The following SOAT1 variants were observed in gnomAD, a reference collection of about 807,000 sequenced individuals.
SOAT1 encodes sterol O-acyltransferase 1, also known as acyl-coenzyme A:cholesterol acyltransferase 1.
In SOAT1, 55 loss-of-function variants were observed where a neutral mutation model predicts 69.5. That is an observed-to-expected ratio of 0.79 (90% CI 0.64 to 0.99). SOAT1 has a LOEUF of 0.99. SOAT1 is among the 50% of genes least tolerant of loss of function. The pLI is 0.00. For missense variants in SOAT1, 580 were observed against 669.3 expected, an observed-to-expected ratio of 0.87 and a Z score of 1.47; for synonymous variants, 231 against 224.7, an observed-to-expected ratio of 1.03 and a Z score of -0.25.
intron 2 of SOAT1, among the ~76,000 whole-genome samples, chr1:179,318,892 A>G (rs1665490957): frequency 6.6e-6 from 1 of 152,052 alleles, no homozygotes; most frequent in Non-Finnish European, 1.5e-5. Context: ...TATTATTATG[A>G]CTAATGCTGC....
At chr1:179,342,075 T>A in intron 7 of SOAT1, 39 bp from the exon 8 acceptor site, 1 of 1,612,406 alleles carries the variant, frequency 6.2e-7, no homozygotes, top group South Asian at 1.1e-5. Flanking sequence ...TGCAGGAGAC[T>A]TTCTTTGAAG....
At chr1:179,317,285 G>A (rs1295946807) in intron 2 of SOAT1, among the ~76,000 whole-genome samples, 6 of 152,180 alleles carry the variant, frequency 3.9e-5, no homozygotes, top group Non-Finnish European at 8.8e-5. Context: ...TATAATCCTA[G>A]CACTTTGGAA....
chr1:179,340,991 C>A, intron 6 of SOAT1, 37 bp from the exon 7 acceptor site: 2 of 1,586,598 alleles, frequency 1.3e-6, no homozygotes, highest in Non-Finnish European at 1.7e-6. Context: ...ATTAAAAATT[C>A]ACCTCTATGT....
chr1:179,297,816 G>A (rs61821737), intron 1 of SOAT1, among the ~76,000 whole-genome samples: 1 of 150,216 alleles, frequency 6.7e-6, no homozygotes, highest in Admixed American at 6.6e-5. Context: ...CGGATCACCT[G>A]AGGTTGGGAG....
intron 3 of SOAT1, among the ~76,000 whole-genome samples, chr1:179,325,088 A>G (rs2124968175): frequency 6.6e-6 from 1 of 150,568 alleles, no homozygotes; most frequent in Non-Finnish European, 1.5e-5. Flanking sequence ...GGCTGGGATT[A>G]CCACACCCGG....
intron 13 of SOAT1, among the ~76,000 whole-genome samples, chr1:179,350,020 A>G (rs765217445): frequency 2.6e-5 from 4 of 152,346 alleles, no homozygotes; most frequent in Middle Eastern, 3.4e-3. Flanking sequence ...TGTTTCATTT[A>G]TATAGGAAAA....
At chr1:179,346,599 A>G (rs965747581) in intron 11 of SOAT1, among the ~76,000 whole-genome samples, 10 of 152,236 alleles carry the variant, frequency 6.6e-5, no homozygotes, top group Non-Finnish European at 1.2e-4. Context: ...AGAGGGTAGA[A>G]TCACTGGAGA....
At chr1:179,318,629 C>T (rs1403437065) in intron 2 of SOAT1, among the ~76,000 whole-genome samples, 3 of 152,114 alleles carry the variant, frequency 2.0e-5, no homozygotes, top group African/African-American at 4.8e-5. Flanking sequence ...CATAACCCCG[C>T]GCCTCACTCT....
chr1:179,341,613 C>T (rs1666341945), intron 7 of SOAT1, among the ~76,000 whole-genome samples: 1 of 151,092 alleles, frequency 6.6e-6, no homozygotes, highest in African/African-American at 2.4e-5. Flanking sequence ...CGGCTCACTG[C>T]AACCCCTGCC....
chr1:179,318,305 C>CT (rs1349943351), intron 2 of SOAT1, among the ~76,000 whole-genome samples: 2 of 152,040 alleles, frequency 1.3e-5, no homozygotes. Flanking sequence ...AAATAAGAAA[C>CT]TGTCTCTAAA....
At chr1:179,311,158 G>C (rs1665207567) in intron 2 of SOAT1, among the ~76,000 whole-genome samples, 2 of 152,094 alleles carry the variant, frequency 1.3e-5, no homozygotes, top group South Asian at 4.1e-4. Context: ...TTGAGACCGG[G>C]AATTCAAGAC....
rs1666448398 is a variant in SOAT1, at chr1:179,344,352, GGTT to G, written c.988-594_988-592del. On this transcript the variant is annotated intron_variant, in intron 10 of 15. Transcript: ENST00000367619. ...TATGAAGTAAGTTCTTTCATTAAGG[GGTT>G]TTTTTTTTTTTTTTTTTTTTTTTTT... Among the ~76,000 whole-genome samples the G allele has an allele frequency of 4.1e-5, 5 of 120,560 alleles. 2 individuals are homozygous for G. The highest frequency in any genetic ancestry group is 3.5e-5 in the Non-Finnish European group (2 of 57,124). 79.1% of individuals were successfully genotyped at this position (120,560 alleles called of 152,430 possible). A position where few individuals can be genotyped will look rare whatever the true frequency, so the allele number is the denominator to read the frequency against.
chr1:179,306,556 G>A (rs150738266), intron 2 of SOAT1, among the ~76,000 whole-genome samples: 88 of 152,234 alleles, frequency 5.8e-4, no homozygotes, highest in African/African-American at 2.0e-3. Flanking sequence ...CCAAAAGCCA[G>A]GTGTGGTGGC....
At chr1:179,345,106 G>A (rs1264125117) in intron 11 of SOAT1, 30 bp downstream of exon 11, 25 of 1,609,474 alleles carry the variant, frequency 1.6e-5, no homozygotes, top group Non-Finnish European at 2.1e-5. Flanking sequence ...ATTTGGTCAT[G>A]CATAAATTCA....
At chr1:179,327,947 C>T (rs571792771) in intron 3 of SOAT1, among the ~76,000 whole-genome samples, 1 of 152,280 alleles carries the variant, frequency 6.6e-6, no homozygotes, top group Admixed American at 6.5e-5. Context: ...CCAGTGGGGT[C>T]ATACAAACTT....
intron 2 of SOAT1, among the ~76,000 whole-genome samples, chr1:179,303,036 C>T (rs1412432598): frequency 2.0e-5 from 3 of 152,092 alleles, no homozygotes; most frequent in Non-Finnish European, 4.4e-5. Context: ...ACGTAACCTA[C>T]CAATAATTGC....
At chr1:179,322,678 C>T (rs1401370082) in intron 2 of SOAT1, among the ~76,000 whole-genome samples, 4 of 152,150 alleles carry the variant, frequency 2.6e-5, no homozygotes, top group African/African-American at 9.7e-5. Context: ...ATTTTTCAGA[C>T]CACATAGATA....
At chr1:179,311,377 C>G (rs942979484) in intron 2 of SOAT1, among the ~76,000 whole-genome samples, 1 of 150,324 alleles carries the variant, frequency 6.7e-6, no homozygotes, top group Non-Finnish European at 1.5e-5. Context: ...AAATTTGTAA[C>G]AAGTTTAACA....
At chr1:179,296,205 A>C (rs947618064) in intron 1 of SOAT1, among the ~76,000 whole-genome samples, 1 of 151,400 alleles carries the variant, frequency 6.6e-6, no homozygotes, top group African/African-American at 2.4e-5. Context: ...CTGATCTCAG[A>C]TGATCGGTCT....
Sources: gnomAD v4.1 joint callset for allele counts (sites outside exome capture counted in the v4.1 genomes callset) on GRCh38, gnomAD v4.1.1 for gene constraint, MANE v1.5 for transcripts, NCBI Gene and HGNC (gene_info 2026-07-23, HGNC 2026-07-21) for gene names.